Variants in INTS3 observed in about 807,000 individuals in gnomAD.
INTS3 encodes SOSS complex subunit A.
A neutral mutation model predicts 146.3 loss-of-function variants in INTS3; 34 were observed. That is an observed-to-expected ratio of 0.23 (90% CI 0.18 to 0.31). The LOEUF is 0.31. Ranked by LOEUF, INTS3 falls within the 10% of genes least tolerant of loss-of-function variation. INTS3 has a pLI of 1.00. For missense variants in INTS3, 757 were observed against 1,304.2 expected (o/e 0.58, Z 6.46); for synonymous variants, 475 against 494.9 (o/e 0.96, Z 0.53).
At chr1:153,770,088 TG>T in intron 23 of INTS3, 109 bp from the exon 24 acceptor site, 1 of 411,972 alleles carries the variant, frequency 2.4e-6, no homozygotes, top group East Asian at 4.2e-5. Context: ...TGTGTGTGTG[TG>T]TGTGTGTGTG....
At chr1:153,750,895 G>A (rs142055486) in intron 6 of INTS3, 200 bp from the exon 7 acceptor site, 3 of 466,744 alleles carry the variant, frequency 6.4e-6, no homozygotes, top group East Asian at 6.7e-5. Context: ...GAGAAAATTA[G>A]GAAGTTGTCC....
chr1:153,737,429 G>A lies in INTS3; in HGVS notation c.151-3222G>A, dbSNP rs187531264. ...CTTAGAATGTTGAACACATGACATG[G>A]TGGAGTTGAAACCAGAATGACTGTT... On this transcript the variant is annotated intron_variant, in intron 1 of 29. Transcript: ENST00000318967. 5.9e-5 allele frequency among the ~76,000 whole-genome samples: 9 copies of A among 152,308 alleles called. No homozygotes were observed. The South Asian group carries it at 1.0e-3, about 18-fold the overall frequency.
At chr1:153,770,018 G>A (rs1338190087) in intron 23 of INTS3, among the ~76,000 whole-genome samples, 174 bp downstream of exon 23, 1 of 146,168 alleles carries the variant, frequency 6.8e-6, no homozygotes, top group Non-Finnish European at 1.5e-5. Context: ...TCCTACCTCT[G>A]TAACATCCCT....
intron 9 of INTS3, among the ~76,000 whole-genome samples, chr1:153,755,694 C>A (rs907251862): frequency 2.6e-5 from 4 of 152,200 alleles, no homozygotes; most frequent in African/African-American, 7.2e-5. Flanking sequence ...GTGGTAGCCA[C>A]CAGCCATGTG....
downstream of INTS3, chr1:153,774,808 A>AT: frequency 2.7e-6 from 1 of 364,064 alleles, no homozygotes; most frequent in Middle Eastern, 7.8e-4. Flanking sequence ...GATGGAGAGC[A>AT]TTTGCTGGCT....
rs551837214 is a variant in INTS3 at position 153,760,003 on chromosome 1, G to C, written c.1238-308G>C. ...GCTCTTGGGTCTGCTCAGTGGAAAT[G>C]GGGGGAATAGACATAGCACTTCCCA... On this transcript the variant is annotated intron_variant, in intron 11 of 29. Transcript: ENST00000318967. 286 of 503,518 alleles carry C rather than the reference G, an allele frequency of 5.7e-4. 1 individual carries two copies. The highest frequency in any genetic ancestry group is 2.7e-3 in the Admixed American group (80 of 30,120). The allele number at this position is 503,518 out of a possible 1,614,324, so 31.2% of individuals were successfully genotyped here.
At chr1:153,759,265 C>G (rs1386680644) in intron 10 of INTS3, among the ~76,000 whole-genome samples, 3 of 140,556 alleles carry the variant, frequency 2.1e-5, no homozygotes, top group Admixed American at 2.1e-4. Flanking sequence ...CAGAGCAAGA[C>G]CCTGTCTGGA....
At position 153,772,670 on chromosome 1, in the gene INTS3, G is replaced by C; in HGVS notation, c.2853G>C (p.Leu951=). The change falls in exon 28 of 30, where the codon CTG becomes CTC. Residue 951 remains leucine (L), a synonymous_variant. Transcript: ENST00000318967. This position sits in a 1 kb window ranked among gnomAD's most constrained non-coding sequence, Gnocchi z 4.6. ...FFSQTPILQA[L]QHVQASCDEA... ...GCCAGACGCCAATTCTCCAGGCGCTGCAGCATGTCCAAGCGAGCTGTGACG... is the reference window on the plus strand; with the variant it reads ...GCCAGACGCCAATTCTCCAGGCGCTCCAGCATGTCCAAGCGAGCTGTGACG... The C allele has an allele frequency of 1.2e-6, 2 of 1,614,204 alleles. No individual in the cohort carries two copies. The highest frequency in any genetic ancestry group is 1.7e-6 in the Non-Finnish European group (2 of 1,180,040).
At chr1:153,761,141 C>A in intron 13 of INTS3, 2 of 1,205,342 alleles carry the variant, frequency 1.7e-6, no homozygotes, top group Non-Finnish European at 2.2e-6. Flanking sequence ...CCCTGTTGAC[C>A]CCCTTCAGGG....
At chr1:153,742,888 C>T (rs1671591787) in intron 3 of INTS3, among the ~76,000 whole-genome samples, 1 of 152,208 alleles carries the variant, frequency 6.6e-6, no homozygotes, top group Non-Finnish European at 1.5e-5. Flanking sequence ...CTGGTTGACA[C>T]CTTTGCTAGC....
chr1:153,761,731 G>A, intron 14 of INTS3, 55 bp downstream of exon 14: 2 of 1,218,020 alleles, frequency 1.6e-6, no homozygotes, highest in Non-Finnish European at 2.4e-6. Context: ...AGACAACCAG[G>A]CCTTCAGGCC....
chr1:153,760,228 GT>G, intron 11 of INTS3, 82 bp from the exon 12 acceptor site: 1 of 747,002 alleles, frequency 1.3e-6, no homozygotes, highest in Non-Finnish European at 2.0e-6. Context: ...GCAAGACTCT[GT>G]TTCAAAAAAA....
intron 10 of INTS3, among the ~76,000 whole-genome samples, chr1:153,759,280 A>G (rs1049018566): frequency 7.2e-5 from 11 of 151,988 alleles, no homozygotes; most frequent in Admixed American, 5.2e-4. Flanking sequence ...TCTGGAAAAA[A>G]AAAAAAAAAG....
At position 153,728,103 on chromosome 1, in the gene INTS3, A is replaced by T; in HGVS notation, c.-532A>T. ...GGCCGCTTCTGTGTGGTGTGGGGAGACGCTGGTCCTCCCCGTCCTCCCATA... is the reference window on the plus strand; with the variant it reads ...GGCCGCTTCTGTGTGGTGTGGGGAGTCGCTGGTCCTCCCCGTCCTCCCATA... On this transcript the variant is annotated 5_prime_UTR_variant, in exon 1 of 30. Transcript: ENST00000318967. 1 of 272,340 alleles carries T rather than the reference A, an allele frequency of 3.7e-6. No individual in the cohort carries two copies. The highest frequency in any genetic ancestry group is 5.7e-5 in the East Asian group (1 of 17,616). 16.9% of individuals were successfully genotyped at this position (272,340 alleles called of 1,614,324 possible). A position where few individuals can be genotyped will look rare whatever the true frequency, so the allele number is the denominator to read the frequency against.
chr1:153,745,978 G>T (rs1671720553), intron 3 of INTS3, among the ~76,000 whole-genome samples: 1 of 152,170 alleles, frequency 6.6e-6, no homozygotes, highest in South Asian at 2.1e-4. Context: ...GGTGGTGCAT[G>T]CCTGTAGTAC....
At chr1:153,770,928 C>G (rs1357991308) in intron 25 of INTS3, among the ~76,000 whole-genome samples, 195 bp downstream of exon 25, 1 of 152,162 alleles carries the variant, frequency 6.6e-6, no homozygotes, top group Non-Finnish European at 1.5e-5. Flanking sequence ...CGACTTTACC[C>G]CCCTGCCCAC....
At chr1:153,771,043 C>T (rs1005119554) in intron 25 of INTS3, among the ~76,000 whole-genome samples, 3 of 152,060 alleles carry the variant, frequency 2.0e-5, no homozygotes, top group African/African-American at 7.2e-5. Flanking sequence ...CCGCGCCCCC[C>T]CCACCGCCCC....
rs1423742272 is a variant in INTS3, at chr1:153,770,256, C to T, written c.2448C>T (p.Ala816=). 1.2e-6 allele frequency: 2 copies of T among 1,613,480 alleles called. No individual in the cohort carries two copies. The highest frequency in any genetic ancestry group is 3.3e-5 in the Admixed American group (2 of 59,956). The change falls in exon 24 of 30, where the codon GCC becomes GCT. Residue 816 remains alanine (A), a synonymous_variant. Coordinates refer to ENST00000318967, the MANE Select transcript of INTS3 (RefSeq NM_023015.5). The stretch of plus-strand genomic sequence containing the variant: ...ATTGTGCCTGGCAGCTCTTTCTGGC[C>T]CACAATATTCCCCTGGAGACCATAA... ...EQYCAWQLFL[A]HNIPLETIIP...
Position 153,761,695 on chromosome 1 carries a change from C to G in INTS3, c.1516+19C>G. ...GTGGAAGGTATGAGGCCCGCCCATT[C>G]CATCACCTGTGTCAAAAGAGGGGCA... On this transcript the variant is annotated intron_variant, in intron 14 of 29. Coordinates refer to ENST00000318967, the MANE Select transcript of INTS3 (RefSeq NM_023015.5). 1.3e-6 allele frequency: 2 copies of G among 1,554,796 alleles called. No homozygotes were observed. Among genetic ancestry groups the G allele is most frequent in the Non-Finnish European group, 1.8e-6 (2 of 1,126,662 alleles).
Sources: allele counts gnomAD v4.1 joint callset (sites outside exome capture counted in the v4.1 genomes callset), GRCh38; gene constraint gnomAD v4.1.1; non-coding constraint Gnocchi (gnomAD v3.1); transcripts MANE v1.5; gene names NCBI Gene and HGNC (gene_info 2026-07-23, HGNC 2026-07-21).